The following DOCK4 variants were observed in gnomAD, a reference collection of about 807,000 sequenced individuals.
The protein encoded by DOCK4 is dedicator of cytokinesis 4, also known as dedicator of cytokinesis protein 4.
A neutral mutation model predicts 268.1 loss-of-function variants in DOCK4; 97 were observed. The ratio of observed to expected loss-of-function variants is 0.36; its 90% confidence interval spans 0.31 to 0.43. The LOEUF is 0.43. DOCK4 is among the 20% of genes least tolerant of loss of function. The pLI is 1.00. For synonymous variants in DOCK4, 954 were observed against 887.2 expected (o/e 1.08, Z -1.34); for missense variants, 2,145 against 2,455.7 (o/e 0.87, Z 2.67).
chr7:111,994,004 TAATATC>T, intron 5 of DOCK4, 125 bp downstream of exon 5: 1 of 524,618 alleles, frequency 1.9e-6, no homozygotes, highest in African/African-American at 1.9e-5. Flanking sequence ...ACTGTCTTGT[TAATATC>T]TATATCCCCA....
At chr7:112,000,339 A>T (rs1350315352) in intron 3 of DOCK4, among the ~76,000 whole-genome samples, 155 bp downstream of exon 3, 1 of 152,152 alleles carries the variant, frequency 6.6e-6, no homozygotes, top group Non-Finnish European at 1.5e-5. Context: ...ACTATAATCC[A>T]AGTTCAAAGG....
At chr7:111,983,930 T>C (rs940752346) in intron 7 of DOCK4, among the ~76,000 whole-genome samples, 2 of 151,304 alleles carry the variant, frequency 1.3e-5, no homozygotes, top group Admixed American at 6.6e-5. Context: ...AGGGTTAACA[T>C]GCTGCTGAGC....
chr7:111,933,724 C>G (rs757047321), intron 12 of DOCK4, among the ~76,000 whole-genome samples: 1 of 152,134 alleles, frequency 6.6e-6, no homozygotes, highest in Non-Finnish European at 1.5e-5. Context: ...CTCCAAGTGT[C>G]TTGTTTGTTT....
chr7:112,122,865 T>C (rs1367231825), intron 1 of DOCK4, among the ~76,000 whole-genome samples: 1 of 152,244 alleles, frequency 6.6e-6, no homozygotes, highest in Non-Finnish European at 1.5e-5. Context: ...GAAGCCCATA[T>C]TTCCCTAATT....
chr7:111,902,429 T>C (rs1791220730), intron 13 of DOCK4, among the ~76,000 whole-genome samples: 1 of 152,218 alleles, frequency 6.6e-6, no homozygotes. Context: ...ACATTCTATG[T>C]ACATATATAC....
intron 1 of DOCK4, among the ~76,000 whole-genome samples, chr7:112,009,803 A>G (rs984354672): frequency 6.6e-6 from 1 of 152,036 alleles, no homozygotes; most frequent in Non-Finnish European, 1.5e-5. Flanking sequence ...AAGGAGAACT[A>G]AATTCTTTTT....
intron 1 of DOCK4, among the ~76,000 whole-genome samples, chr7:112,061,828 G>A (rs111251404): frequency 2.1e-3 from 325 of 151,762 alleles, no homozygotes; most frequent in African/African-American, 7.2e-3. Context: ...CTTTGCTGGA[G>A]GAATTCCCAG....
intron 1 of DOCK4, among the ~76,000 whole-genome samples, chr7:112,072,595 C>T (rs1035693531): frequency 6.6e-6 from 1 of 152,168 alleles, no homozygotes; most frequent in Non-Finnish European, 1.5e-5. Context: ...ATGAGCAGGC[C>T]AGAAGAGCCC....
chr7:111,875,622 T>C (rs562606320), intron 17 of DOCK4, among the ~76,000 whole-genome samples: 62 of 152,352 alleles, frequency 4.1e-4, no homozygotes, highest in African/African-American at 1.3e-3. Context: ...AGATGTAAGA[T>C]GGTCATAGTC....
intron 1 of DOCK4, among the ~76,000 whole-genome samples, chr7:112,114,736 A>AT (rs11417774): frequency 0.32 from 48,419 of 151,920 alleles, 7,956 homozygotes; most frequent in East Asian, 0.55. Flanking sequence ...TGAAACTCCT[A>AT]TTTTTTCTGC....
chr7:111,732,467 A>G, intron 51 of DOCK4, 180 bp from the exon 52 acceptor site: 1 of 624,662 alleles, frequency 1.6e-6, no homozygotes. Flanking sequence ...GGGTTCTCAC[A>G]AAGGGTGGCA....
chr7:112,102,947 T>C (rs1194451437), intron 1 of DOCK4, among the ~76,000 whole-genome samples: 4 of 152,224 alleles, frequency 2.6e-5, no homozygotes, highest in Non-Finnish European at 5.9e-5. Flanking sequence ...ATTCTGTTTA[T>C]ACCAATAAAC....
At chr7:111,896,939 G>C (rs1333007971) in intron 15 of DOCK4, among the ~76,000 whole-genome samples, 1 of 152,080 alleles carries the variant, frequency 6.6e-6, no homozygotes, top group Non-Finnish European at 1.5e-5. Flanking sequence ...TTTTTAAAAA[G>C]TCAAGCAAAA....
chr7:112,138,018 T>C (rs1468050222), intron 1 of DOCK4, among the ~76,000 whole-genome samples: 1 of 152,212 alleles, frequency 6.6e-6, no homozygotes, highest in Non-Finnish European at 1.5e-5. Flanking sequence ...CTAGATTAAA[T>C]AATTTCTTCT....
chr7:112,145,715 G>A (rs1815415379), intron 1 of DOCK4, among the ~76,000 whole-genome samples: 1 of 151,992 alleles, frequency 6.6e-6, no homozygotes, highest in Non-Finnish European at 1.5e-5. Context: ...ACATGCACAT[G>A]AGGGATGATT....
intron 1 of DOCK4, among the ~76,000 whole-genome samples, chr7:112,149,216 G>A (rs1353674598): frequency 6.6e-6 from 1 of 152,136 alleles, no homozygotes; most frequent in Non-Finnish European, 1.5e-5. Context: ...CTCTGGAAGA[G>A]GATGGCGCTG....
rs1449774918 is a variant in DOCK4, at chr7:111,765,203, T to C, written c.3935A>G (p.Tyr1312Cys). Residue 1312 changes from tyrosine (Y) to cysteine (C), a missense_variant, in exon 39 of 53, where the codon TAT (tyrosine) becomes TGT (cysteine). Around this residue, in one of 2 missense-constraint regions of DOCK4, gnomAD observed 1,598 missense variants for 1,986.7 expected, o/e 0.80. Transcript: ENST00000428084. ...SKMRMMEASL[Y>C]DKIMDQQRLE... The stretch of plus-strand genomic sequence containing the variant: ...ACGTTGCTGGTCCATAATTTTGTCA[T>C]ACAAAGAGGCTTCCATCATCTAGAA... The C allele has an allele frequency of 1.2e-5, 18 of 1,552,956 alleles. No homozygotes were observed. Among genetic ancestry groups the C allele is most frequent in the Non-Finnish European group, 1.5e-5 (17 of 1,151,048 alleles).
rs1821393502 is a variant in DOCK4, at chr7:112,206,187, T to C, written c.-49A>G. 6.5e-7 allele frequency: 1 copy of C among 1,544,998 alleles called. No individual in the cohort carries two copies. The highest frequency in any genetic ancestry group is 8.8e-7 in the Non-Finnish European group (1 of 1,140,120). On this transcript the variant is annotated 5_prime_UTR_variant, in exon 1 of 53. Coordinates refer to ENST00000428084, the MANE Select transcript of DOCK4 (RefSeq NM_001363540.2). Reference sequence around the variant, plus strand: ...CAGGCTTTGTAATCCCCGCGCCCCTTCTCCGGCTCACAACAATGCACAGTC... The same window carrying C: ...CAGGCTTTGTAATCCCCGCGCCCCTCCTCCGGCTCACAACAATGCACAGTC...
chr7:111,772,300 T>C (rs931019325), intron 36 of DOCK4, among the ~76,000 whole-genome samples: 1 of 152,068 alleles, frequency 6.6e-6, no homozygotes, highest in Non-Finnish European at 1.5e-5. Flanking sequence ...TAGTCCCAGC[T>C]ACTTGGGAGG....
Sources: gnomAD v4.1 joint callset for allele counts (sites outside exome capture counted in the v4.1 genomes callset) on GRCh38, gnomAD v4.1.1 for gene constraint, gnomAD v4.1.1 regional missense constraint, MANE v1.5 for transcripts, NCBI Gene and HGNC (gene_info 2026-07-23, HGNC 2026-07-21) for gene names.